Variants in PCDHA2 observed in about 807,000 individuals in gnomAD.
The protein encoded by PCDHA2 is protocadherin alpha-2.
In PCDHA2, 58 loss-of-function variants were observed where a neutral mutation model predicts 66.0. The ratio of observed to expected loss-of-function variants is 0.88; its 90% CI spans 0.71 to 1.09. PCDHA2 has a LOEUF of 1.09. PCDHA2 is among the 50% of genes least tolerant of loss of function. The pLI, the probability that PCDHA2 is intolerant of heterozygous loss-of-function variation, is 0.00. For missense variants in PCDHA2, 1,267 were observed against 1,242.3 expected (o/e 1.02, Z -0.30); for synonymous variants, 634 against 554.0 (o/e 1.14, Z -2.03).
intron 3 of PCDHA2, among the ~76,000 whole-genome samples, chr5:141,000,587 C>A (rs181671847): frequency 0.01 from 1,575 of 150,790 alleles, 20 homozygotes; most frequent in Non-Finnish European, 0.016. Context: ...GCCACCATGC[C>A]CAGCTAATTT....
intron 1 of PCDHA2, chr5:140,829,474 A>C: frequency 6.2e-7 from 1 of 1,613,826 alleles, no homozygotes; most frequent in Non-Finnish European, 8.5e-7. Context: ...CCGAGTACAC[A>C]GTGTTCGTGA....
intron 1 of PCDHA2, among the ~76,000 whole-genome samples, chr5:140,974,994 A>G (rs901871984): frequency 6.6e-6 from 1 of 152,126 alleles, no homozygotes; most frequent in South Asian, 2.1e-4. Context: ...AGGTATTCTC[A>G]AGGCTGAAAT....
intron 1 of PCDHA2, chr5:140,829,672 G>T: frequency 6.2e-7 from 1 of 1,613,008 alleles, no homozygotes; most frequent in South Asian, 1.1e-5. Context: ...ACCACGAGGA[G>T]CTAGAGCTGC....
intron 1 of PCDHA2, chr5:140,849,770 T>A (rs1407416435): frequency 6.3e-7 from 1 of 1,598,458 alleles, no homozygotes; most frequent in East Asian, 2.2e-5. Flanking sequence ...AGCTGGTGGT[T>A]ACCGCGCGGG....
chr5:140,839,045 G>A (rs914747083), intron 1 of PCDHA2, among the ~76,000 whole-genome samples: 2 of 151,914 alleles, frequency 1.3e-5, no homozygotes, highest in South Asian at 2.1e-4. Context: ...TCTTTTCAAC[G>A]TGAATAAGGA....
Position 140,796,135 on chromosome 5 carries a change from C to G in PCDHA2, c.1171C>G (p.Pro391Ala). ...TGGACATGTCACCTGCTCCCTGACG[C>G]CCCACGTCCCTTTCAAGCTGGTGTC... The part of the protein sequence containing the change: ...TNGHVTCSLT[P>A]HVPFKLVSTF... The change falls in exon 1 of 4, where the codon CCC becomes GCC. Residue 391 changes from proline (P) to alanine (A), a missense_variant. Transcript: ENST00000526136. 1 of 1,614,222 alleles carries G rather than the reference C, an allele frequency of 6.2e-7. No individual in the cohort carries two copies. Among genetic ancestry groups the G allele is most frequent in the Non-Finnish European group, 8.5e-7 (1 of 1,180,044 alleles).
At chr5:140,819,297 TA>T (rs1766530327) in intron 1 of PCDHA2, among the ~76,000 whole-genome samples, 1 of 152,174 alleles carries the variant, frequency 6.6e-6, no homozygotes, top group Non-Finnish European at 1.5e-5. Context: ...TATAGCTTAT[TA>T]AAATTTTATT....
intron 1 of PCDHA2, among the ~76,000 whole-genome samples, chr5:140,844,558 A>G (rs1779439411): frequency 6.7e-6 from 1 of 149,510 alleles, no homozygotes; most frequent in South Asian, 2.1e-4. Flanking sequence ...GAGTTGGAAT[A>G]TTTTCAATAA....
At chr5:140,949,271 TGAAAA>T (rs1377326965) in intron 1 of PCDHA2, among the ~76,000 whole-genome samples, 5 of 151,804 alleles carry the variant, frequency 3.3e-5, no homozygotes, top group Non-Finnish European at 5.9e-5. Flanking sequence ...CACGTGCACT[TGAAAA>T]GAATGTATAT....
chr5:140,910,924 A>G (rs568597600), intron 1 of PCDHA2, among the ~76,000 whole-genome samples: 2 of 152,260 alleles, frequency 1.3e-5, no homozygotes, highest in South Asian at 4.1e-4. Flanking sequence ...GCTTATATAA[A>G]TAAGAAAGCT....
chr5:140,884,418 T>C, intron 1 of PCDHA2: 2 of 1,613,974 alleles, frequency 1.2e-6, no homozygotes, highest in South Asian at 2.2e-5. Flanking sequence ...ACGTTGCTGC[T>C]GTATACTGCG....
intron 1 of PCDHA2, chr5:140,821,654 G>T: frequency 9.1e-7 from 1 of 1,101,190 alleles, no homozygotes; most frequent in Non-Finnish European, 1.3e-6. Context: ...TTCCATTTTT[G>T]GCTGTGCCAA....
intron 1 of PCDHA2, chr5:140,969,131 A>G: frequency 6.2e-7 from 1 of 1,614,138 alleles, no homozygotes; most frequent in South Asian, 1.1e-5. Flanking sequence ...CTCCCTCACC[A>G]AGACCTACTG....
intron 1 of PCDHA2, among the ~76,000 whole-genome samples, chr5:140,948,945 A>C: frequency 6.6e-6 from 1 of 151,662 alleles, no homozygotes; most frequent in East Asian, 1.9e-4. Flanking sequence ...TCTAATATAA[A>C]AAAATTAAAG....
Position 140,809,366 on chromosome 5 carries a change from C to A in PCDHA2, c.2388+12014C>A, listed in dbSNP as rs782392679. 3 of 1,613,980 alleles carry A rather than the reference C, an allele frequency of 1.9e-6. No homozygotes were observed. In the Admixed American group the frequency reaches 5.0e-5, roughly 27 times the overall value. ...CACCGCGCTGCGGTGCTCTGCGCTG[C>A]CCACCGAGGGCGCGTGCGCTCCGGG... On this transcript the variant is annotated intron_variant, in intron 1 of 3. Coordinates refer to ENST00000526136, the MANE Select transcript of PCDHA2 (RefSeq NM_018905.3).
chr5:140,951,333 G>A (rs922078825), intron 1 of PCDHA2, among the ~76,000 whole-genome samples: 1 of 151,964 alleles, frequency 6.6e-6, no homozygotes, highest in African/African-American at 2.4e-5. Flanking sequence ...TCATCATTCT[G>A]TTTGTGTTAG....
intron 1 of PCDHA2, chr5:140,882,955 C>G (rs1554176243): frequency 6.2e-7 from 1 of 1,614,178 alleles, no homozygotes; most frequent in Admixed American, 1.7e-5. Context: ...TTCAGCTGCT[C>G]ATCACGATTC....
chr5:140,797,316 A>G lies in PCDHA2; in HGVS notation c.2352A>G (p.Glu784=). 6.2e-7 allele frequency: 1 copy of G among 1,614,246 alleles called. No individual in the cohort carries two copies. The highest frequency in any genetic ancestry group is 8.5e-7 in the Non-Finnish European group (1 of 1,180,034). The part of the protein sequence containing the change: ...PSLSQGPDSA[E]EKQLSESEYV... Reference sequence around the variant, plus strand: ...TATCTCAAGGTCCAGACTCCGCAGAAGAGAAACAGCTCTCAGAATCAGAAT... The same window carrying G: ...TATCTCAAGGTCCAGACTCCGCAGAGGAGAAACAGCTCTCAGAATCAGAAT... Residue 784 remains glutamate, a synonymous_variant, in exon 1 of 4, where the codon GAA becomes GAG. Coordinates refer to ENST00000526136, the MANE Select transcript of PCDHA2 (RefSeq NM_018905.3).
chr5:140,848,894 C>G (rs1562450529), intron 1 of PCDHA2: 3 of 1,604,178 alleles, frequency 1.9e-6, no homozygotes, highest in Non-Finnish European at 2.6e-6. Context: ...CTCCAGTGTT[C>G]CCAGCGACAC....
Sources: gnomAD v4.1 joint callset for allele counts (sites outside exome capture counted in the v4.1 genomes callset) on GRCh38, gnomAD v4.1.1 for gene constraint, MANE v1.5 for transcripts, NCBI Gene and HGNC (gene_info 2026-07-23, HGNC 2026-07-21) for gene names.